Variants in ANKRD11 observed in about 807,000 individuals in gnomAD.
ANKRD11 encodes the protein ankyrin repeat domain-containing protein 11.
In ANKRD11, 17 loss-of-function variants were observed where a neutral mutation model predicts 195.7. The ratio of observed to expected loss-of-function variants is 0.09; its 90% CI spans 0.06 to 0.13. The LOEUF (loss-of-function observed/expected upper bound fraction) is 0.13, where lower values mean the gene tolerates loss of function less well. Among genes scored for constraint, ANKRD11 ranks in the 10% least tolerant of loss-of-function variants. The pLI is 1.00. For synonymous variants in ANKRD11, 1,953 were observed against 1,528.1 expected (o/e 1.28, Z -6.49); for missense variants, 3,735 against 3,566.1 (o/e 1.05, Z -1.21).
At chr16:89,321,813 C>T (rs1369349256) in intron 2 of ANKRD11, among the ~76,000 whole-genome samples, 2 of 152,178 alleles carry the variant, frequency 1.3e-5, no homozygotes, top group African/African-American at 4.8e-5. Context: ...CGTGGGTTCA[C>T]TTACACGCAG....
chr16:89,300,767 C>A (rs1347656771), intron 4 of ANKRD11: 4 of 629,338 alleles, frequency 6.4e-6, no homozygotes, highest in South Asian at 3.5e-5. Flanking sequence ...ATGTGCCTGG[C>A]AGCACTGCAG....
In ANKRD11 at chr16:89,283,277, T is replaced by C. The variant is rs774016726; in HGVS notation, c.3265A>G (p.Lys1089Glu). 2 of 1,614,182 alleles carry C rather than the reference T, an allele frequency of 1.2e-6. No individual in the cohort carries two copies. Among genetic ancestry groups the C allele is most frequent in the South Asian group, 1.1e-5 (1 of 91,086 alleles). The change falls in exon 9 of 13, where the codon AAG becomes GAG. Residue 1089 changes from lysine (K) to glutamate (E), a missense_variant. Coordinates refer to ENST00000301030, the MANE Select transcript of ANKRD11 (RefSeq NM_013275.6). The surrounding 1 kb of genome is among the most constrained non-coding windows in gnomAD (Gnocchi z 4.3). ...SLDQGKEKKEKAFPGIISEDF... is the reference protein window; with the variant it reads ...SLDQGKEKKEEAFPGIISEDF... Reference sequence around the variant, plus strand: ...TCTGAGATGATCCCAGGGAAAGCCTTCTCCTTCTTCTCTTTCCCTTGGTCG... The same window carrying C: ...TCTGAGATGATCCCAGGGAAAGCCTCCTCCTTCTTCTCTTTCCCTTGGTCG...
intron 2 of ANKRD11, among the ~76,000 whole-genome samples, chr16:89,349,861 A>AACACACACACACACAC (rs34592614): frequency 7.5e-6 from 1 of 133,138 alleles, no homozygotes; most frequent in Non-Finnish European, 1.6e-5. Context: ...TACTTGTTAA[A>AACACACACACACACAC]ACACACACAC....
At chr16:89,381,715 A>G (rs1250497500) in intron 2 of ANKRD11, among the ~76,000 whole-genome samples, 1 of 152,208 alleles carries the variant, frequency 6.6e-6, no homozygotes, top group Non-Finnish European at 1.5e-5. Context: ...TGCTACTCAC[A>G]TTCAGACTGG....
intron 4 of ANKRD11, chr16:89,297,679 C>T (rs1466373073): frequency 1.3e-5 from 2 of 152,276 alleles, no homozygotes; most frequent in Non-Finnish European, 2.9e-5. Context: ...GCAAGACAAG[C>T]TCCGAACAGC....
intron 1 of ANKRD11, among the ~76,000 whole-genome samples, chr16:89,484,016 C>A (rs780304331): frequency 3.3e-5 from 5 of 152,118 alleles, no homozygotes; most frequent in African/African-American, 4.8e-5. Flanking sequence ...AAATCCGAAT[C>A]AACTGTGGGG....
chr16:89,399,888 G>A (rs557527121), intron 2 of ANKRD11, among the ~76,000 whole-genome samples: 25 of 152,280 alleles, frequency 1.6e-4, no homozygotes, highest in African/African-American at 5.1e-4. Context: ...GCACAGAATC[G>A]GCTCCCAGAG....
Position 89,274,345 on chromosome 16 carries a change from C to A in ANKRD11, c.7713+469G>T, listed in dbSNP as rs1398328231. Reference sequence around the variant, plus strand: ...CCCAGATGAGCGGCACACCTGGGTGCCCGTGTTCCCTTAGCCACCCAGTGT... The same window carrying A: ...CCCAGATGAGCGGCACACCTGGGTGACCGTGTTCCCTTAGCCACCCAGTGT... On this transcript the variant is annotated intron_variant, in intron 11 of 12. Coordinates refer to ENST00000301030, the MANE Select transcript of ANKRD11 (RefSeq NM_013275.6). 2.6e-5 allele frequency among the ~76,000 whole-genome samples: 4 copies of A among 152,292 alleles called. No homozygotes were observed. The South Asian group carries it at 6.2e-4, about 24-fold the overall frequency.
intron 2 of ANKRD11, among the ~76,000 whole-genome samples, chr16:89,376,412 G>A (rs1445591875): frequency 6.6e-6 from 1 of 152,150 alleles, no homozygotes; most frequent in Non-Finnish European, 1.5e-5. Flanking sequence ...TATCATCGAG[G>A]AAAAAGGACA....
intron 2 of ANKRD11, among the ~76,000 whole-genome samples, chr16:89,318,115 T>C (rs900117051): frequency 6.6e-6 from 1 of 152,154 alleles, no homozygotes; most frequent in Non-Finnish European, 1.5e-5. Context: ...CCCACCCCCG[T>C]GGTGTGAGGC....
chr16:89,441,101 T>C (rs925547835), intron 1 of ANKRD11, among the ~76,000 whole-genome samples: 4 of 151,058 alleles, frequency 2.6e-5, no homozygotes, highest in Non-Finnish European at 4.4e-5. Flanking sequence ...CCGGGCGTGG[T>C]GGTGGGCGCC....
intron 2 of ANKRD11, chr16:89,323,336 A>G (rs1375114229): frequency 7.8e-7 from 1 of 1,288,592 alleles, no homozygotes; most frequent in Non-Finnish European, 1.0e-6. Context: ...AATCCCAGGT[A>G]TGGAAGAGAA....
chr16:89,277,438 G>A (rs976824825), intron 9 of ANKRD11: 9 of 152,272 alleles, frequency 5.9e-5, no homozygotes, highest in Admixed American at 5.9e-4. Context: ...CAGATTGGCA[G>A]GATTCTAGTG....
chr16:89,317,057 G>C lies in ANKRD11; in HGVS notation c.-38C>G. 1 of 1,595,348 alleles carries C rather than the reference G, an allele frequency of 6.3e-7. No homozygotes were observed. The highest frequency in any genetic ancestry group is 8.5e-7 in the Non-Finnish European group (1 of 1,169,676). On this transcript the variant is annotated 5_prime_UTR_variant, in exon 3 of 13. Transcript: ENST00000301030. ...CACCCGATCTTCATTTACACGGCCGGCGCTTCATCATCAACCGTCTGCTTC... is the reference window on the plus strand; with the variant it reads ...CACCCGATCTTCATTTACACGGCCGCCGCTTCATCATCAACCGTCTGCTTC...
intron 2 of ANKRD11, among the ~76,000 whole-genome samples, chr16:89,410,527 C>T (rs1485500324): frequency 6.6e-6 from 1 of 152,132 alleles, no homozygotes; most frequent in East Asian, 1.9e-4. Context: ...GAAACACCTG[C>T]CCCCGGGCTA....
intron 1 of ANKRD11, among the ~76,000 whole-genome samples, chr16:89,432,944 A>ATCTCCC (rs1221395147): frequency 1.1e-4 from 12 of 108,650 alleles, no homozygotes; most frequent in African/African-American, 4.6e-4. Flanking sequence ...CAGAGACCCT[A>ATCTCCC]TCTCTCTCTC....
intron 1 of ANKRD11, among the ~76,000 whole-genome samples, chr16:89,454,228 G>C (rs7193059): frequency 0.028 from 4,292 of 152,214 alleles, 213 homozygotes; most frequent in African/African-American, 0.098. Context: ...AGTGTGGGCA[G>C]CTGTAGCTTA....
chr16:89,305,494 T>C, intron 3 of ANKRD11, 150 bp from the exon 4 acceptor site: 1 of 1,150,598 alleles, frequency 8.7e-7, no homozygotes, highest in Non-Finnish European at 1.2e-6. Flanking sequence ...GTGAGGCTGG[T>C]CACCGACCGC....
At chr16:89,482,096 A>G (rs1400117696) in intron 1 of ANKRD11, among the ~76,000 whole-genome samples, 1 of 152,150 alleles carries the variant, frequency 6.6e-6, no homozygotes, top group Non-Finnish European at 1.5e-5. Context: ...GCACCCAGTG[A>G]GCAGCCAATG....
Sources: gnomAD v4.1 joint callset for allele counts (sites outside exome capture counted in the v4.1 genomes callset) on GRCh38, gnomAD v4.1.1 for gene constraint, Gnocchi (gnomAD v3.1) non-coding constraint, MANE v1.5 for transcripts, NCBI Gene and HGNC (gene_info 2026-07-23, HGNC 2026-07-21) for gene names.